ERC2: variants seen among roughly 807,000 people sequenced by gnomAD.
ERC2 encodes the protein ERC protein 2.
A neutral mutation model predicts 114.8 loss-of-function variants in ERC2; 42 were observed. The ratio of observed to expected loss-of-function variants is 0.37; its 90% CI spans 0.29 to 0.47. The LOEUF (loss-of-function observed/expected upper bound fraction) is 0.47, where lower values mean the gene tolerates loss of function less well. Among genes scored for constraint, ERC2 ranks in the 20% least tolerant of loss-of-function variants. ERC2 has a pLI of 0.99. For synonymous variants in ERC2, 454 were observed against 425.5 expected (o/e 1.07, Z -0.82); for missense variants, 939 against 1,150.7 (o/e 0.82, Z 2.66).
At chr3:55,977,969 T>C (rs1012272272) in intron 12 of ERC2, among the ~76,000 whole-genome samples, 21 of 152,242 alleles carry the variant, frequency 1.4e-4, no homozygotes, top group African/African-American at 5.1e-4. Context: ...AATTACATTA[T>C]ACCACTTGCA....
At chr3:56,155,021 G>A (rs184593858) in intron 4 of ERC2, among the ~76,000 whole-genome samples, 35 of 152,300 alleles carry the variant, frequency 2.3e-4, no homozygotes, top group African/African-American at 7.9e-4. Context: ...AATTAAATGA[G>A]TGGCTACATG....
chr3:55,651,883 A>G (rs1252534116), intron 17 of ERC2, among the ~76,000 whole-genome samples: 1 of 152,216 alleles, frequency 6.6e-6, no homozygotes, highest in Non-Finnish European at 1.5e-5. Flanking sequence ...AGATTGCAAA[A>G]AAGGCAAAAT....
chr3:56,143,413 G>T (rs1027884399), intron 5 of ERC2, among the ~76,000 whole-genome samples: 1 of 152,154 alleles, frequency 6.6e-6, no homozygotes, highest in East Asian at 1.9e-4. Context: ...GAGGGACCCA[G>T]CAGGAGGTAA....
intron 14 of ERC2, among the ~76,000 whole-genome samples, chr3:55,822,283 C>T (rs1370921325): frequency 1.3e-5 from 2 of 152,142 alleles, no homozygotes; most frequent in African/African-American, 4.8e-5. Context: ...CAAAATATTT[C>T]CTTTTAAGAT....
intron 17 of ERC2, among the ~76,000 whole-genome samples, chr3:55,640,869 G>A (rs77394307): frequency 6.6e-6 from 1 of 152,042 alleles, no homozygotes; most frequent in Non-Finnish European, 1.5e-5. Context: ...TTTTTCTTTT[G>A]GGGACTCACA....
intron 14 of ERC2, among the ~76,000 whole-genome samples, chr3:55,828,890 GC>G (rs2060450793): frequency 6.6e-6 from 1 of 152,248 alleles, no homozygotes; most frequent in Admixed American, 6.5e-5. Context: ...TATAATCCCA[GC>G]ACTTTGGGAG....
intron 7 of ERC2, among the ~76,000 whole-genome samples, chr3:56,053,282 G>A (rs1183531579): frequency 6.6e-6 from 1 of 152,170 alleles, no homozygotes; most frequent in Non-Finnish European, 1.5e-5. Flanking sequence ...CAGACCCACA[G>A]GGAAAAGAGG....
chr3:55,695,227 C>T (rs1211005871), intron 16 of ERC2, among the ~76,000 whole-genome samples: 1 of 152,186 alleles, frequency 6.6e-6, no homozygotes, highest in Non-Finnish European at 1.5e-5. Context: ...GTTTCATTTA[C>T]TCTTTGGACT....
Position 56,010,476 on chromosome 3 carries a change from A to C in ERC2, c.1893T>G (p.Ala631=). ...CTTTCTCAGTCAGTTCAGCCTGTAA[A>C]GCATTGACCTTCTCTTTCAGGTCTT... ...ENKDLKEKVN[A]LQAELTEKES... The change falls in exon 9 of 18, where the codon GCT becomes GCG. Residue 631 remains alanine, a synonymous_variant. Coordinates refer to ENST00000288221, the MANE Select transcript of ERC2 (RefSeq NM_015576.3). 3.1e-6 allele frequency: 5 copies of C among 1,613,544 alleles called. No homozygotes were observed. The highest frequency in any genetic ancestry group is 1.3e-5 in the African/African-American group (1 of 75,008).
At chr3:56,378,050 C>G (rs1435653085) in intron 2 of ERC2, among the ~76,000 whole-genome samples, 3 of 152,080 alleles carry the variant, frequency 2.0e-5, no homozygotes, top group Non-Finnish European at 4.4e-5. Context: ...ATCGCCCGCC[C>G]AGAAGCTCAA....
chr3:55,645,295 T>G (rs902198316), intron 17 of ERC2, among the ~76,000 whole-genome samples: 1 of 152,224 alleles, frequency 6.6e-6, no homozygotes, highest in Non-Finnish European at 1.5e-5. Context: ...CCACGTGACC[T>G]CCTTTACTTT....
chr3:55,541,230 G>A (rs1481554103), intron 17 of ERC2, among the ~76,000 whole-genome samples: 1 of 152,158 alleles, frequency 6.6e-6, no homozygotes, highest in Non-Finnish European at 1.5e-5. Flanking sequence ...TACATGCAAT[G>A]TACAAGGTTG....
At chr3:55,711,766 A>G (rs2148858097) in intron 15 of ERC2, among the ~76,000 whole-genome samples, 1 of 152,338 alleles carries the variant, frequency 6.6e-6, no homozygotes, top group African/African-American at 2.4e-5. Context: ...ATTTTTGCAA[A>G]GGAACAGCTT....
At chr3:55,847,870 C>T (rs1228315135) in intron 14 of ERC2, among the ~76,000 whole-genome samples, 1 of 152,156 alleles carries the variant, frequency 6.6e-6, no homozygotes, top group African/African-American at 2.4e-5. Flanking sequence ...GCGATCACAG[C>T]TCACTGCAGC....
At chr3:55,543,243 G>A (rs1192763732) in intron 17 of ERC2, among the ~76,000 whole-genome samples, 9 of 152,222 alleles carry the variant, frequency 5.9e-5, no homozygotes, top group Non-Finnish European at 1.3e-4. Flanking sequence ...CTGTCCACGT[G>A]TAAGCAGTCA....
chr3:56,178,904 G>A (rs1171475619), intron 3 of ERC2, among the ~76,000 whole-genome samples: 1 of 152,074 alleles, frequency 6.6e-6, no homozygotes, highest in African/African-American at 2.4e-5. Context: ...CTTCCAATAG[G>A]ATAGTCAGAG....
intron 14 of ERC2, among the ~76,000 whole-genome samples, chr3:55,884,943 GTAT>G (rs1392835375): frequency 6.6e-6 from 1 of 152,042 alleles, no homozygotes; most frequent in Non-Finnish European, 1.5e-5. Flanking sequence ...AGCAGGGCAG[GTAT>G]TATCACCTCC....
chr3:56,449,366 A>T (rs891120453), intron 1 of ERC2, among the ~76,000 whole-genome samples: 5 of 151,938 alleles, frequency 3.3e-5, no homozygotes, highest in Non-Finnish European at 2.9e-5. Context: ...GGTCCCTTGG[A>T]CTCTTCCTCC....
chr3:55,968,419 C>T (rs981255222), intron 12 of ERC2, among the ~76,000 whole-genome samples: 5 of 152,140 alleles, frequency 3.3e-5, no homozygotes, highest in African/African-American at 1.2e-4. Context: ...GAAGGCATTT[C>T]CTGGGCAATT....
Sources: gnomAD v4.1 joint callset for allele counts (sites outside exome capture counted in the v4.1 genomes callset) on GRCh38, gnomAD v4.1.1 for gene constraint, MANE v1.5 for transcripts, NCBI Gene and HGNC (gene_info 2026-07-23, HGNC 2026-07-21) for gene names.